Variants in FRMD5 observed in about 807,000 individuals in gnomAD.
FRMD5 encodes FERM domain containing 5, also known as FERM domain-containing protein 5.
In FRMD5, 20 loss-of-function variants were observed where a neutral mutation model predicts 69.0. That is an observed-to-expected ratio of 0.29 (90% CI 0.20 to 0.42). FRMD5 has a LOEUF of 0.42. FRMD5 is among the 10% of genes least tolerant of loss of function. The pLI, the probability that FRMD5 is intolerant of heterozygous loss-of-function variation, is 1.00. For synonymous variants in FRMD5, 271 were observed against 260.1 expected (o/e 1.04, Z -0.40); for missense variants, 595 against 708.6 (o/e 0.84, Z 1.82).
At chr15:43,896,001 A>T (rs1231108221) in intron 7 of FRMD5, among the ~76,000 whole-genome samples, 1 of 152,206 alleles carries the variant, frequency 6.6e-6, no homozygotes, top group Non-Finnish European at 1.5e-5. Context: ...AAGAGTCAAC[A>T]GTCACCTGTT....
In FRMD5 at chr15:44,044,694, A is replaced by G. The variant is rs142323481; in HGVS notation, c.103-120385T>C. Among the ~76,000 whole-genome samples, 344 of 152,072 alleles carry G rather than the reference A, an allele frequency of 2.3e-3. 2 individuals carry two copies. Among genetic ancestry groups the G allele is most frequent in the African/African-American group, 7.8e-3 (323 of 41,462 alleles). ...AATCAAACACCGCATGTTCTCATTC[A>G]TAAGTGGGTGCTGAACAATGAGAAC... On this transcript the variant is annotated intron_variant, in intron 1 of 13. Coordinates refer to ENST00000417257, the MANE Select transcript of FRMD5 (RefSeq NM_032892.5).
chr15:44,137,939 A>C (rs2077210935), intron 1 of FRMD5, among the ~76,000 whole-genome samples: 2 of 152,262 alleles, frequency 1.3e-5, no homozygotes, highest in East Asian at 1.9e-4. Flanking sequence ...CTGTACAATA[A>C]AACAGGCAGG....
chr15:44,012,985 C>T (rs1890792193), intron 1 of FRMD5, among the ~76,000 whole-genome samples: 1 of 152,132 alleles, frequency 6.6e-6, no homozygotes, highest in Non-Finnish European at 1.5e-5. Flanking sequence ...AGGCTGGTCT[C>T]GAACTCCTGA....
intron 1 of FRMD5, among the ~76,000 whole-genome samples, chr15:43,933,625 T>C (rs926170022): frequency 2.0e-5 from 3 of 152,192 alleles, no homozygotes; most frequent in Non-Finnish European, 4.4e-5. Flanking sequence ...CAAACCCCAC[T>C]TTCATTAACC....
chr15:43,886,536 A>G (rs1171169879), intron 10 of FRMD5, among the ~76,000 whole-genome samples: 1 of 152,166 alleles, frequency 6.6e-6, no homozygotes, highest in East Asian at 1.9e-4. Flanking sequence ...CAGCTCAGAG[A>G]GAAGCCTCCT....
At chr15:43,941,196 A>G (rs2140487852) in intron 1 of FRMD5, among the ~76,000 whole-genome samples, 1 of 152,226 alleles carries the variant, frequency 6.6e-6, no homozygotes, top group African/African-American at 2.4e-5. Flanking sequence ...GTGAAACCCC[A>G]TCTCTACAAA....
chr15:44,070,020 AC>A (rs1302151660), intron 1 of FRMD5, among the ~76,000 whole-genome samples: 1 of 152,196 alleles, frequency 6.6e-6, no homozygotes, highest in East Asian at 1.9e-4. Flanking sequence ...AGATTTGGGA[AC>A]ACAAGGTCTC....
intron 1 of FRMD5, among the ~76,000 whole-genome samples, chr15:44,125,557 C>G (rs922006882): frequency 6.6e-6 from 1 of 152,162 alleles, no homozygotes; most frequent in Non-Finnish European, 1.5e-5. Context: ...GGAATTGAGG[C>G]TAAAGCCTCA....
At chr15:43,920,090 T>A (rs2089466400) in intron 2 of FRMD5, among the ~76,000 whole-genome samples, 1 of 152,198 alleles carries the variant, frequency 6.6e-6, no homozygotes. Flanking sequence ...TTCTGAGCCA[T>A]GTTTTTGGCA....
chr15:43,944,563 G>A (rs2089913243), intron 1 of FRMD5, among the ~76,000 whole-genome samples: 1 of 151,660 alleles, frequency 6.6e-6, no homozygotes, highest in African/African-American at 2.4e-5. Context: ...CTGAGTAGCT[G>A]AGATTACAGG....
intron 1 of FRMD5, among the ~76,000 whole-genome samples, chr15:44,139,233 A>G (rs2077230563): frequency 1.3e-5 from 2 of 151,816 alleles, no homozygotes; most frequent in African/African-American, 2.4e-5. Context: ...ATTATTTATG[A>G]ATGTTAAAAA....
intron 1 of FRMD5, among the ~76,000 whole-genome samples, chr15:44,018,045 A>G (rs1488332306): frequency 6.6e-6 from 1 of 152,224 alleles, no homozygotes; most frequent in East Asian, 1.9e-4. Flanking sequence ...GGAACTCTGC[A>G]CATCTATATT....
intron 1 of FRMD5, among the ~76,000 whole-genome samples, chr15:43,965,876 G>A (rs535190014): frequency 4.0e-4 from 61 of 151,634 alleles, no homozygotes; most frequent in Non-Finnish European, 7.1e-4. Context: ...CACCGCACCC[G>A]GCCTAAAAAG....
chr15:44,153,515 C>T (rs1194461431), intron 1 of FRMD5, among the ~76,000 whole-genome samples: 1 of 152,130 alleles, frequency 6.6e-6, no homozygotes, highest in Non-Finnish European at 1.5e-5. Context: ...TAGACGAATA[C>T]TAGAATGGTG....
At chr15:44,127,121 C>T (rs557710278) in intron 1 of FRMD5, among the ~76,000 whole-genome samples, 15 of 152,280 alleles carry the variant, frequency 9.9e-5, no homozygotes, top group Admixed American at 5.9e-4. Context: ...CTCGCTCTGT[C>T]GCCCAGGCTT....
intron 1 of FRMD5, among the ~76,000 whole-genome samples, chr15:44,029,071 T>C (rs1891563509): frequency 1.3e-5 from 2 of 152,056 alleles, no homozygotes; most frequent in African/African-American, 2.4e-5. Flanking sequence ...ATTTGCCAAA[T>C]GAAGGAATGA....
At chr15:44,096,602 C>T (rs112943405) in intron 1 of FRMD5, among the ~76,000 whole-genome samples, 2,030 of 152,080 alleles carry the variant, frequency 0.013, 22 homozygotes, top group Middle Eastern at 0.034. Flanking sequence ...GAGGTTTCAC[C>T]GTGTTGGCCA....
chr15:44,061,663 T>C (rs1284271739), intron 1 of FRMD5, among the ~76,000 whole-genome samples: 1 of 152,224 alleles, frequency 6.6e-6, no homozygotes, highest in Non-Finnish European at 1.5e-5. Context: ...AATCAGAATG[T>C]TAACTTTTCA....
chr15:43,989,781 C>G, intron 1 of FRMD5: 1 of 1,031,800 alleles, frequency 9.7e-7, no homozygotes, highest in South Asian at 1.3e-5. Context: ...CCTGGATGGC[C>G]ACGTACATGG....
Sources: gnomAD v4.1 joint callset for allele counts (sites outside exome capture counted in the v4.1 genomes callset) on GRCh38, gnomAD v4.1.1 for gene constraint, MANE v1.5 for transcripts, NCBI Gene and HGNC (gene_info 2026-07-23, HGNC 2026-07-21) for gene names.